The following GRIN2A variants were observed in gnomAD, a reference collection of about 807,000 sequenced individuals.
GRIN2A encodes the protein glutamate ionotropic receptor NMDA type subunit 2A.
Under a neutral mutation model 113.4 loss-of-function variants are expected in GRIN2A, and 22 were observed. That is an observed-to-expected ratio of 0.19 (90% CI 0.14 to 0.28). The LOEUF is 0.28. Ranked by LOEUF, GRIN2A falls within the 10% of genes least tolerant of loss-of-function variation. The pLI, the probability that GRIN2A is intolerant of heterozygous loss-of-function variation, is 1.00. For missense variants in GRIN2A, 1,502 were observed against 1,887.0 expected (o/e 0.80, Z 3.78); for synonymous variants, 827 against 738.4 (o/e 1.12, Z -1.94).
intron 11 of GRIN2A, among the ~76,000 whole-genome samples, chr16:9,790,773 A>C (rs996989575): frequency 1.3e-5 from 2 of 152,182 alleles, no homozygotes; most frequent in Non-Finnish European, 2.9e-5. Context: ...TAAATCGATG[A>C]CATAAGACTT....
chr16:9,936,426 G>A (rs760884603), intron 3 of GRIN2A, among the ~76,000 whole-genome samples: 9 of 152,178 alleles, frequency 5.9e-5, no homozygotes, highest in Non-Finnish European at 1.3e-4. Flanking sequence ...GACGAGACAA[G>A]CTTTGAACCC....
chr16:9,805,539 T>C (rs2041949371), intron 10 of GRIN2A: 3 of 152,184 alleles, frequency 2.0e-5, no homozygotes, highest in African/African-American at 4.8e-5. Context: ...GTTGGCATGT[T>C]TGGGCAACTG....
chr16:9,795,832 A>G (rs1291780454), intron 11 of GRIN2A, among the ~76,000 whole-genome samples: 1 of 152,204 alleles, frequency 6.6e-6, no homozygotes, highest in East Asian at 1.9e-4. Flanking sequence ...GATGTGCACT[A>G]AATTACTCCT....
intron 11 of GRIN2A, among the ~76,000 whole-genome samples, chr16:9,774,460 C>A (rs941344797): frequency 6.6e-6 from 1 of 152,144 alleles, no homozygotes; most frequent in African/African-American, 2.4e-5. Context: ...CCACAGGTAC[C>A]GGCTCTTTGA....
At chr16:10,126,701 A>G (rs762486062) in intron 2 of GRIN2A, among the ~76,000 whole-genome samples, 6 of 152,088 alleles carry the variant, frequency 3.9e-5, no homozygotes, top group Non-Finnish European at 8.8e-5. Flanking sequence ...GGTTTCTGTT[A>G]ATTTTCTTTA....
chr16:9,983,983 G>A (rs1209399184), intron 2 of GRIN2A, among the ~76,000 whole-genome samples: 1 of 152,164 alleles, frequency 6.6e-6, no homozygotes, highest in Non-Finnish European at 1.5e-5. Flanking sequence ...ACTCCATACC[G>A]TTTTTCATAA....
intron 2 of GRIN2A, among the ~76,000 whole-genome samples, chr16:10,080,709 C>T (rs991255516): frequency 6.6e-6 from 1 of 152,176 alleles, no homozygotes; most frequent in African/African-American, 2.4e-5. Flanking sequence ...CAATATCACC[C>T]TCACCTTGTA....
rs1288259757 is a variant in GRIN2A at position 9,822,482 on chromosome 16, G to C, written c.2008-58C>G. 7.9e-6 allele frequency: 9 copies of C among 1,133,546 alleles called. No homozygotes were observed. The Admixed American group carries it at 1.5e-4, about 19-fold the overall frequency. 70.2% of individuals were successfully genotyped at this position (1,133,546 alleles called of 1,614,324 possible). On this transcript the variant is annotated intron_variant, in intron 9 of 12. Transcript: ENST00000330684. ...TAGGAAAAGAAAGAGAAGGGAGGAG[G>C]GGGAGGAGAGAACAAATAATAAATT...
At chr16:9,827,489 G>A (rs961793598) in intron 9 of GRIN2A, among the ~76,000 whole-genome samples, 2 of 152,232 alleles carry the variant, frequency 1.3e-5, no homozygotes, top group Admixed American at 6.5e-5. Flanking sequence ...GTCCCGTCCT[G>A]CAGGGAGCTC....
intron 2 of GRIN2A, among the ~76,000 whole-genome samples, chr16:10,067,108 C>G (rs1300003020): frequency 6.6e-6 from 1 of 152,184 alleles, no homozygotes; most frequent in African/African-American, 2.4e-5. Flanking sequence ...AGCAAATTCC[C>G]TCTTTTTTGC....
chr16:9,821,350 C>T (rs542489245), intron 10 of GRIN2A, among the ~76,000 whole-genome samples: 2 of 152,244 alleles, frequency 1.3e-5, no homozygotes, highest in African/African-American at 2.4e-5. Context: ...ATCCAGGACA[C>T]ACTCCGTGCT....
At chr16:9,927,106 A>T (rs1425506859) in intron 3 of GRIN2A, among the ~76,000 whole-genome samples, 1 of 152,186 alleles carries the variant, frequency 6.6e-6, no homozygotes, top group African/African-American at 2.4e-5. Context: ...AATATGAATC[A>T]TGATTTTTAA....
intron 8 of GRIN2A, among the ~76,000 whole-genome samples, chr16:9,832,916 G>A (rs1456757616): frequency 2.0e-5 from 3 of 152,108 alleles, no homozygotes; most frequent in African/African-American, 7.2e-5. Context: ...AATAAAACTA[G>A]GTTCCTAATA....
At chr16:10,048,248 G>T (rs1194046758) in intron 2 of GRIN2A, among the ~76,000 whole-genome samples, 1 of 152,106 alleles carries the variant, frequency 6.6e-6, no homozygotes, top group Non-Finnish European at 1.5e-5. Flanking sequence ...GTTAATATTT[G>T]TCTAATACTT....
chr16:9,939,180 A>C (rs1252278860), intron 2 of GRIN2A, among the ~76,000 whole-genome samples: 1 of 152,166 alleles, frequency 6.6e-6, no homozygotes, highest in Non-Finnish European at 1.5e-5. Flanking sequence ...TCTTAATAAG[A>C]ATTAAGTGGA....
At chr16:10,025,467 A>T (rs574969315) in intron 2 of GRIN2A, among the ~76,000 whole-genome samples, 1 of 150,786 alleles carries the variant, frequency 6.6e-6, no homozygotes, top group African/African-American at 2.4e-5. Context: ...ACATCTGACT[A>T]TTTTTTCTTT....
chr16:9,963,610 C>T (rs147185085), intron 2 of GRIN2A, among the ~76,000 whole-genome samples: 9 of 152,110 alleles, frequency 5.9e-5, no homozygotes, highest in Admixed American at 3.9e-4. Context: ...ATTCATTGAG[C>T]TTTACACTTA....
At chr16:9,979,417 C>T (rs2045840758) in intron 2 of GRIN2A, among the ~76,000 whole-genome samples, 1 of 152,132 alleles carries the variant, frequency 6.6e-6, no homozygotes, top group African/African-American at 2.4e-5. Context: ...ACTGTCTGTT[C>T]CCTATACCTG....
At chr16:9,823,796 C>T (rs925639955) in intron 9 of GRIN2A, among the ~76,000 whole-genome samples, 1 of 152,154 alleles carries the variant, frequency 6.6e-6, no homozygotes, top group Admixed American at 6.5e-5. Flanking sequence ...AACCCGGATG[C>T]GTCTGACCAC....
Sources: gnomAD v4.1 joint callset for allele counts (sites outside exome capture counted in the v4.1 genomes callset) on GRCh38, gnomAD v4.1.1 for gene constraint, MANE v1.5 for transcripts, NCBI Gene and HGNC (gene_info 2026-07-23, HGNC 2026-07-21) for gene names.